CNTNAP5: variants seen among roughly 807,000 people sequenced by gnomAD.
CNTNAP5 encodes contactin-associated protein-like 5.
A neutral mutation model predicts 150.2 loss-of-function variants in CNTNAP5; 72 were observed. That is an observed-to-expected ratio of 0.48 (90% CI 0.40 to 0.58). CNTNAP5 has a LOEUF of 0.58. CNTNAP5 is among the 20% of genes least tolerant of loss of function. The pLI is 0.00. For missense variants in CNTNAP5, 1,636 were observed against 1,626.2 expected, an observed-to-expected ratio of 1.01 and a Z score of -0.10; for synonymous variants, 672 against 619.8, an observed-to-expected ratio of 1.08 and a Z score of -1.25.
intron 3 of CNTNAP5, among the ~76,000 whole-genome samples, chr2:124,315,019 G>C (rs1315130688): frequency 6.7e-6 from 1 of 150,248 alleles, no homozygotes; most frequent in Non-Finnish European, 1.5e-5. Context: ...TTGCTCTGTT[G>C]CTCAGGCTAG....
At chr2:124,242,764 G>A (rs1242626990) in intron 3 of CNTNAP5, among the ~76,000 whole-genome samples, 1 of 152,068 alleles carries the variant, frequency 6.6e-6, no homozygotes, top group Non-Finnish European at 1.5e-5. Flanking sequence ...TTTATTATAT[G>A]CCAGGCACTT....
chr2:124,725,651 A>G (rs1259992513), intron 13 of CNTNAP5, among the ~76,000 whole-genome samples: 1 of 152,044 alleles, frequency 6.6e-6, no homozygotes, highest in East Asian at 1.9e-4. Context: ...ATCATGCCAC[A>G]TATTAGGTCT....
intron 1 of CNTNAP5, among the ~76,000 whole-genome samples, chr2:124,079,294 C>A (rs1294308225): frequency 6.6e-6 from 1 of 152,178 alleles, no homozygotes; most frequent in Non-Finnish European, 1.5e-5. Context: ...CTGGCTCCAA[C>A]CCCCATGTTC....
At chr2:124,739,929 C>T (rs1205866676) in intron 13 of CNTNAP5, among the ~76,000 whole-genome samples, 2 of 145,138 alleles carry the variant, frequency 1.4e-5, no homozygotes, top group Admixed American at 6.9e-5. Flanking sequence ...GACCTCCTTC[C>T]TATAAATGTT....
intron 3 of CNTNAP5, among the ~76,000 whole-genome samples, chr2:124,408,222 C>A (rs991485199): frequency 1.3e-5 from 2 of 152,188 alleles, no homozygotes; most frequent in African/African-American, 4.8e-5. Context: ...GCACCTGGCT[C>A]GGAGGGTCCT....
At chr2:124,805,536 C>A (rs902618549) in intron 19 of CNTNAP5, among the ~76,000 whole-genome samples, 1 of 152,246 alleles carries the variant, frequency 6.6e-6, no homozygotes, top group African/African-American at 2.4e-5. Context: ...AAAATAGAGA[C>A]AATAGCAGCT....
chr2:124,421,025 T>C (rs2104781337), intron 4 of CNTNAP5, among the ~76,000 whole-genome samples: 1 of 152,344 alleles, frequency 6.6e-6, no homozygotes, highest in South Asian at 2.1e-4. Flanking sequence ...CAAAAAGCTA[T>C]GTCCATATTT....
Position 124,897,669 on chromosome 2 carries a change from C to A in CNTNAP5, c.3437-5213C>A, listed in dbSNP as rs545433970. On this transcript the variant is annotated intron_variant, in intron 21 of 23. Coordinates refer to ENST00000682447, the MANE Select transcript of CNTNAP5 (RefSeq NM_001367498.1). The stretch of plus-strand genomic sequence containing the variant: ...AAATTGTGTTTAGCTTATGAACAAT[C>A]CATACCTACAGAAAAGTGTCACGCA... Among the ~76,000 whole-genome samples, 12 of 151,420 alleles carry A rather than the reference C, an allele frequency of 7.9e-5. 2 individuals are homozygous for A. Among genetic ancestry groups the A allele is most frequent in the African/African-American group, 2.9e-4 (12 of 40,840 alleles).
intron 4 of CNTNAP5, among the ~76,000 whole-genome samples, chr2:124,419,258 T>C (rs1292385251): frequency 6.6e-6 from 1 of 152,082 alleles, no homozygotes. Context: ...CTTTAACATG[T>C]CCTTATCCTT....
chr2:124,167,377 T>C (rs548861442), intron 1 of CNTNAP5, among the ~76,000 whole-genome samples: 4 of 152,202 alleles, frequency 2.6e-5, no homozygotes, highest in Non-Finnish European at 4.4e-5. Context: ...CAGGGTCAGT[T>C]TTTACTTGGC....
At chr2:124,808,475 C>T (rs1347864034) in intron 19 of CNTNAP5, among the ~76,000 whole-genome samples, 2 of 151,668 alleles carry the variant, frequency 1.3e-5, no homozygotes, top group African/African-American at 4.9e-5. Flanking sequence ...GTAGTCCCAG[C>T]TACTCAGAAG....
At chr2:124,026,039 T>G (rs1283608867) in intron 1 of CNTNAP5, among the ~76,000 whole-genome samples, 1 of 152,206 alleles carries the variant, frequency 6.6e-6, no homozygotes, top group Non-Finnish European at 1.5e-5. Flanking sequence ...CCAGTGCTTT[T>G]TCCGGAGAAG....
At chr2:124,782,001 T>C (rs73955814) in intron 17 of CNTNAP5, among the ~76,000 whole-genome samples, 4,750 of 152,220 alleles carry the variant, frequency 0.031, 248 homozygotes, top group African/African-American at 0.11. Flanking sequence ...AAAGCAGTAA[T>C]GGAGGGCAGT....
intron 3 of CNTNAP5, among the ~76,000 whole-genome samples, chr2:124,323,849 G>A (rs1406379597): frequency 1.3e-5 from 2 of 151,934 alleles, no homozygotes; most frequent in Non-Finnish European, 2.9e-5. Context: ...AAAAAGTTAT[G>A]GCCTTTGTGT....
chr2:124,375,381 G>A (rs569117464), intron 3 of CNTNAP5, among the ~76,000 whole-genome samples: 4 of 152,152 alleles, frequency 2.6e-5, no homozygotes, highest in African/African-American at 7.2e-5. Flanking sequence ...TCAAACAAAG[G>A]CAAAATGTCA....
At chr2:124,867,289 G>T (rs974731681) in intron 20 of CNTNAP5, among the ~76,000 whole-genome samples, 1 of 152,160 alleles carries the variant, frequency 6.6e-6, no homozygotes, top group Non-Finnish European at 1.5e-5. Flanking sequence ...ACTTCTTACA[G>T]TGTTCCATTC....
chr2:124,205,790 T>C (rs747935534), intron 1 of CNTNAP5, among the ~76,000 whole-genome samples: 86 of 152,348 alleles, frequency 5.6e-4, no homozygotes, highest in Middle Eastern at 3.4e-3. Context: ...TTCTCTTTTT[T>C]CCTCTGTGTG....
In CNTNAP5 at chr2:124,527,449, A is replaced by C. The variant is rs1284017816; in HGVS notation, c.1642A>C (p.Lys548Gln). ...TTTACACATTGATCTGTGTAGCATCAAAGACAGGTAATTATTGTCTCTTCT... is the reference window on the plus strand; with the variant it reads ...TTTACACATTGATCTGTGTAGCATCCAAGACAGGTAATTATTGTCTCTTCT... ...SDLHIDLCSI[K>Q]DRCLPNYCEH... The change falls in exon 10 of 24, where the codon AAA (lysine) becomes CAA (glutamine). Residue 548 changes from lysine to glutamine, a missense_variant. Physicochemically the swap from Lys to Gln is moderately conservative, Grantham distance 53. Coordinates refer to ENST00000682447, the MANE Select transcript of CNTNAP5 (RefSeq NM_001367498.1). 1.9e-6 allele frequency: 3 copies of C among 1,610,172 alleles called. No homozygotes were observed. Among genetic ancestry groups the C allele is most frequent in the Non-Finnish European group, 2.5e-6 (3 of 1,177,714 alleles).
At chr2:124,224,777 TG>T (rs1397602432) in intron 2 of CNTNAP5, among the ~76,000 whole-genome samples, 1 of 152,064 alleles carries the variant, frequency 6.6e-6, no homozygotes, top group Non-Finnish European at 1.5e-5. Flanking sequence ...GTTTCATGAG[TG>T]GAAAAATATA....
Sources: gnomAD v4.1 joint callset for allele counts (sites outside exome capture counted in the v4.1 genomes callset) on GRCh38, gnomAD v4.1.1 for gene constraint, MANE v1.5 for transcripts, NCBI Gene and HGNC (gene_info 2026-07-23, HGNC 2026-07-21) for gene names.